FLT1: variants seen among roughly 807,000 people sequenced by gnomAD.
FLT1 encodes vascular endothelial growth factor receptor 1.
A neutral mutation model predicts 156.3 loss-of-function variants in FLT1; 49 were observed. That is an observed-to-expected ratio of 0.31 (90% CI 0.25 to 0.40). FLT1 has a LOEUF of 0.40. FLT1 is among the 10% of genes least tolerant of loss of function. The pLI, the probability that FLT1 is intolerant of heterozygous loss-of-function variation, is 1.00. For missense variants in FLT1, 1,322 were observed against 1,637.2 expected, an observed-to-expected ratio of 0.81 and a Z score of 3.32; for synonymous variants, 594 against 583.8, an observed-to-expected ratio of 1.02 and a Z score of -0.25.
At chr13:28,346,577 G>A (rs1329319009) in intron 15 of FLT1, among the ~76,000 whole-genome samples, 2 of 151,476 alleles carry the variant, frequency 1.3e-5, no homozygotes, top group East Asian at 3.9e-4. Context: ...AAATGTGGTA[G>A]CACACACTTG....
At chr13:28,307,966 G>T (rs1344810963) in intron 28 of FLT1, among the ~76,000 whole-genome samples, 1 of 152,148 alleles carries the variant, frequency 6.6e-6, no homozygotes, top group Non-Finnish European at 1.5e-5. Flanking sequence ...TAGAGACTGG[G>T]TTTCACCATG....
chr13:28,350,864 C>T (rs1176785414), intron 15 of FLT1, among the ~76,000 whole-genome samples: 1 of 151,682 alleles, frequency 6.6e-6, no homozygotes, highest in East Asian at 1.9e-4. Context: ...GCCTGCTTGC[C>T]TGCCTTCCTT....
intron 14 of FLT1, among the ~76,000 whole-genome samples, chr13:28,364,131 T>C (rs144129070): frequency 1.3e-5 from 2 of 152,246 alleles, no homozygotes; most frequent in Non-Finnish European, 2.9e-5. Flanking sequence ...ATGCTAATTC[T>C]TTGTTGGCTT....
chr13:28,390,679 G>A (rs765068207), intron 12 of FLT1, among the ~76,000 whole-genome samples: 1 of 152,180 alleles, frequency 6.6e-6, no homozygotes, highest in Non-Finnish European at 1.5e-5. Flanking sequence ...TTACAGGCAT[G>A]AGCCACTGCA....
chr13:28,494,875 C>T lies in FLT1; in HGVS notation c.-32G>A, dbSNP rs2137684441. The T allele has an allele frequency of 2.0e-6, 3 of 1,501,120 alleles. No individual in the cohort carries two copies. The highest frequency in any genetic ancestry group is 2.7e-6 in the Non-Finnish European group (3 of 1,126,010). The allele number at this position is 1,501,120 out of a possible 1,614,324, so 93.0% of individuals were successfully genotyped here. A position where few individuals can be genotyped will look rare whatever the true frequency, so the allele number is the denominator to read the frequency against. ...CGCGACGCGGCCTGCTCGCCCGGTG[C>T]CCGCGCTCCCCGCGGCCAACGACCC... On this transcript the variant is annotated 5_prime_UTR_variant, in exon 1 of 30. Coordinates refer to ENST00000282397, the MANE Select transcript of FLT1 (RefSeq NM_002019.4).
In FLT1 at chr13:28,447,642, T is replaced by C. The variant is rs539552517; in HGVS notation, c.389-9297A>G. ...AACTTGCATGCTTCAAAGAACACTG[T>C]GTAGAAAGTGAAAAGGTAACCCAAA... On this transcript the variant is annotated intron_variant, in intron 3 of 29. Coordinates refer to ENST00000282397, the MANE Select transcript of FLT1 (RefSeq NM_002019.4). 2.6e-5 allele frequency among the ~76,000 whole-genome samples: 4 copies of C among 152,140 alleles called. 1 individual carries two copies. The South Asian group carries it at 8.3e-4, about 32-fold the overall frequency.
chr13:28,461,736 T>C (rs1015622412), intron 3 of FLT1, among the ~76,000 whole-genome samples: 2 of 152,214 alleles, frequency 1.3e-5, no homozygotes, highest in African/African-American at 4.8e-5. Flanking sequence ...AACACATTTA[T>C]ATAAAAGCAT....
intron 6 of FLT1, 82 bp from the exon 7 acceptor site, chr13:28,431,392 C>T: frequency 1.0e-6 from 1 of 1,003,686 alleles, no homozygotes; most frequent in Non-Finnish European, 1.5e-6. Context: ...TTTCTTAGAT[C>T]ATTAGTTCGA....
At chr13:28,368,578 CTAT>C in intron 14 of FLT1, 2 of 1,507,250 alleles carry the variant, frequency 1.3e-6, no homozygotes, top group South Asian at 1.2e-5. Flanking sequence ...ATGATGATAG[CTAT>C]GATGATGATG....
intron 1 of FLT1, among the ~76,000 whole-genome samples, chr13:28,477,544 C>T (rs573044498): frequency 3.9e-5 from 6 of 152,278 alleles, no homozygotes; most frequent in East Asian, 1.9e-4. Flanking sequence ...AGACATAACT[C>T]GTAAAATACT....
chr13:28,336,742 CTTTTTTTTT>C (rs548520953), intron 17 of FLT1, among the ~76,000 whole-genome samples: 2 of 130,214 alleles, frequency 1.5e-5, no homozygotes, highest in African/African-American at 5.9e-5. Context: ...ATTATTCTAA[CTTTTTTTTT>C]TTTTTTTTTT....
intron 29 of FLT1, 134 bp from the exon 30 acceptor site, chr13:28,303,502 C>CCCTCAATTGCTGT (rs1555297841): frequency 1.3e-6 from 1 of 770,144 alleles, no homozygotes; most frequent in Non-Finnish European, 2.2e-6. Flanking sequence ...ACCCCCCCCC[C>CCCTCAATTGCTGT]CTCAATTGCT....
At chr13:28,363,839 C>T (rs930224580) in intron 14 of FLT1, among the ~76,000 whole-genome samples, 7 of 152,156 alleles carry the variant, frequency 4.6e-5, no homozygotes, top group African/African-American at 1.4e-4. Context: ...AACTCCTGAC[C>T]TCAAGCGATC....
At chr13:28,396,757 A>G (rs1227597812) in intron 12 of FLT1, 1 of 679,058 alleles carries the variant, frequency 1.5e-6, no homozygotes, top group Non-Finnish European at 2.7e-6. Context: ...ATAACTCTAA[A>G]AGAGAATACA....
chr13:28,403,121 G>C (rs1387549202), intron 11 of FLT1, among the ~76,000 whole-genome samples: 1 of 152,018 alleles, frequency 6.6e-6, no homozygotes, highest in Non-Finnish European at 1.5e-5. Flanking sequence ...TTTCATCCTT[G>C]TAACAGGAAG....
chr13:28,430,583 C>T (rs1877623750), intron 7 of FLT1, among the ~76,000 whole-genome samples: 1 of 152,142 alleles, frequency 6.6e-6, no homozygotes, highest in Non-Finnish European at 1.5e-5. Context: ...ATAAAGGCTA[C>T]TGATAGAATT....
intron 14 of FLT1, among the ~76,000 whole-genome samples, chr13:28,374,302 C>G (rs1392430893): frequency 1.3e-5 from 2 of 151,812 alleles, no homozygotes; most frequent in Non-Finnish European, 1.5e-5. Flanking sequence ...ATAGTCCCAG[C>G]TATGCAGGAG....
intron 13 of FLT1, chr13:28,388,446 T>C: frequency 9.6e-7 from 1 of 1,036,872 alleles, no homozygotes; most frequent in Non-Finnish European, 1.2e-6. Context: ...GCTATTTTGG[T>C]CATTATAGTT....
chr13:28,317,521 A>G lies in FLT1; in HGVS notation c.3363T>C (p.Ala1121=). The G allele has an allele frequency of 1.9e-6, 3 of 1,612,940 alleles. No individual in the cohort carries two copies. The East Asian group carries it at 6.7e-5, about 36-fold the overall frequency. Residue 1121 remains alanine, a synonymous_variant, in exon 25 of 30, where the codon GCT becomes GCC. Coordinates refer to ENST00000282397, the MANE Select transcript of FLT1 (RefSeq NM_002019.4). ...ACATTTCAGGAGTAGAGTACTCAGGAGCTCTCATCCTCATGCCTTCCCTCA... is the reference window on the plus strand; with the variant it reads ...ACATTTCAGGAGTAGAGTACTCAGGGGCTCTCATCCTCATGCCTTCCCTCA... The part of the protein sequence containing the change: ...SRLREGMRMR[A]PEYSTPEIYQ...
Sources: gnomAD v4.1 joint callset for allele counts (sites outside exome capture counted in the v4.1 genomes callset) on GRCh38, gnomAD v4.1.1 for gene constraint, MANE v1.5 for transcripts, NCBI Gene and HGNC (gene_info 2026-07-23, HGNC 2026-07-21) for gene names.